HDAC9: variants seen among roughly 807,000 people sequenced by gnomAD.
The protein encoded by HDAC9 is MEF-2 interacting transcription repressor (MITR) protein.
In HDAC9, 41 loss-of-function variants were observed where a neutral mutation model predicts 139.4. The ratio of observed to expected loss-of-function variants is 0.29; its 90% CI spans 0.23 to 0.38. The LOEUF (loss-of-function observed/expected upper bound fraction) is 0.38. Among genes scored for constraint, HDAC9 ranks in the 10% least tolerant of loss-of-function variants. The probability of loss-of-function intolerance (pLI) is 1.00; values close to 1 mark genes in which losing one functional copy is unlikely to be tolerated. For missense variants in HDAC9, 1,147 were observed against 1,297.0 expected (o/e 0.88, Z 1.78); for synonymous variants, 517 against 476.2 (o/e 1.09, Z -1.12).
At chr7:18,752,706 T>G (rs1788553285) in intron 14 of HDAC9, among the ~76,000 whole-genome samples, 1 of 152,122 alleles carries the variant, frequency 6.6e-6, no homozygotes, top group African/African-American at 2.4e-5. Flanking sequence ...ATTTATTAGA[T>G]TCCACAGGAA....
chr7:18,980,421 T>A (rs1005545436), intron 25 of HDAC9, among the ~76,000 whole-genome samples: 20 of 152,198 alleles, frequency 1.3e-4, no homozygotes, highest in African/African-American at 4.8e-4. Context: ...CTCTAGAGTC[T>A]CCACACTTCA....
At chr7:18,267,409 C>T (rs557045556) in intron 2 of HDAC9, among the ~76,000 whole-genome samples, 47 of 152,086 alleles carry the variant, frequency 3.1e-4, no homozygotes, top group Middle Eastern at 3.4e-3. Context: ...CCTATCTAAC[C>T]GAAACTTTAT....
At chr7:18,921,792 G>A (rs562806792) in intron 22 of HDAC9, among the ~76,000 whole-genome samples, 313 of 151,982 alleles carry the variant, frequency 2.1e-3, no homozygotes, top group Non-Finnish European at 3.8e-3. Flanking sequence ...TGTTTATTGC[G>A]GCACTATTCA....
intron 22 of HDAC9, among the ~76,000 whole-genome samples, chr7:18,885,934 A>T (rs17140220): frequency 0.014 from 2,141 of 152,248 alleles, 57 homozygotes; most frequent in African/African-American, 0.048. Context: ...TTATATTCTC[A>T]AGCAAGTACA....
intron 21 of HDAC9, among the ~76,000 whole-genome samples, chr7:18,855,061 GTAGTATGAATTAGC>G (rs1420955722): frequency 6.6e-6 from 1 of 152,114 alleles, no homozygotes; most frequent in Non-Finnish European, 1.5e-5. Flanking sequence ...GATTTCAGAG[GTAGTATGAATTAGC>G]TAGAAGGCGT....
At chr7:18,498,541 A>G (rs1225769491) in intron 2 of HDAC9, among the ~76,000 whole-genome samples, 1 of 152,112 alleles carries the variant, frequency 6.6e-6, no homozygotes, top group African/African-American at 2.4e-5. Flanking sequence ...TAATTTAGCT[A>G]CAAATCTTGT....
chr7:18,229,337 G>A (rs1793289471), intron 2 of HDAC9, among the ~76,000 whole-genome samples: 1 of 152,206 alleles, frequency 6.6e-6, no homozygotes, highest in Non-Finnish European at 1.5e-5. Flanking sequence ...GCTGCAGACT[G>A]GCTAGGATGT....
chr7:18,362,537 T>A (rs970310840), intron 1 of HDAC9, among the ~76,000 whole-genome samples: 2 of 152,112 alleles, frequency 1.3e-5, no homozygotes, highest in Non-Finnish European at 2.9e-5. Flanking sequence ...CTAAATAGCT[T>A]GGAATTATGA....
intron 1 of HDAC9, among the ~76,000 whole-genome samples, chr7:18,116,433 T>A (rs1783987797): frequency 1.3e-5 from 2 of 152,156 alleles, no homozygotes. Context: ...TGTATTCCCT[T>A]ATACTGTGAA....
chr7:18,415,190 T>C (rs1452046046), intron 1 of HDAC9, among the ~76,000 whole-genome samples: 3 of 152,220 alleles, frequency 2.0e-5, no homozygotes, highest in Non-Finnish European at 2.9e-5. Flanking sequence ...GCGTTACTTA[T>C]AGTAGAACAC....
intron 2 of HDAC9, among the ~76,000 whole-genome samples, chr7:18,253,514 CT>C (rs956250681): frequency 6.6e-6 from 1 of 152,096 alleles, no homozygotes. Context: ...TGATACTGAG[CT>C]TTTTTTCATA....
chr7:18,948,837 T>C (rs1415965751), intron 23 of HDAC9: 1 of 181,192 alleles, frequency 5.5e-6, no homozygotes, highest in East Asian at 1.4e-4. Flanking sequence ...GACAGGTGGA[T>C]ATCAAATGAT....
intron 6 of HDAC9, among the ~76,000 whole-genome samples, chr7:18,625,860 C>G (rs1182452815): frequency 6.9e-6 from 1 of 143,900 alleles, no homozygotes; most frequent in Admixed American, 7.2e-5. Context: ...AGGAGAATCT[C>G]TGGAACCCAG....
chr7:18,775,685 T>G (rs1585016359), intron 16 of HDAC9, among the ~76,000 whole-genome samples: 3 of 63,358 alleles, frequency 4.7e-5, no homozygotes, highest in Non-Finnish European at 7.9e-5. Flanking sequence ...TTATGTTGTG[T>G]TTTTTTTTTT....
intron 1 of HDAC9, among the ~76,000 whole-genome samples, chr7:18,159,558 G>C (rs1239663111): frequency 6.6e-6 from 1 of 151,756 alleles, no homozygotes; most frequent in Non-Finnish European, 1.5e-5. Flanking sequence ...TGATTTTGTG[G>C]GTGTGAGGAG....
chr7:18,435,290 A>G (rs529439313), intron 1 of HDAC9, among the ~76,000 whole-genome samples: 1 of 152,030 alleles, frequency 6.6e-6, no homozygotes, highest in Admixed American at 6.6e-5. Flanking sequence ...GGATTGAAAA[A>G]CTACCTATCA....
At chr7:18,992,752 T>C (rs1278402260) in intron 25 of HDAC9, among the ~76,000 whole-genome samples, 1 of 152,198 alleles carries the variant, frequency 6.6e-6, no homozygotes, top group Non-Finnish European at 1.5e-5. Flanking sequence ...TTGGAGTGAA[T>C]TGATCCTTCT....
chr7:18,259,646 T>C (rs1490922171), intron 2 of HDAC9, among the ~76,000 whole-genome samples: 4 of 152,216 alleles, frequency 2.6e-5, no homozygotes, highest in African/African-American at 9.6e-5. Context: ...ATTACAGGCG[T>C]GAGCCATCAT....
intron 2 of HDAC9, among the ~76,000 whole-genome samples, chr7:18,247,605 T>A (rs1208463781): frequency 3.9e-5 from 6 of 152,098 alleles, no homozygotes; most frequent in African/African-American, 1.2e-4. Flanking sequence ...CTGAAAAAAA[T>A]GAGGGCAGTA....
Sources: gnomAD v4.1 joint callset for allele counts (sites outside exome capture counted in the v4.1 genomes callset) on GRCh38, gnomAD v4.1.1 for gene constraint, MANE v1.5 for transcripts, NCBI Gene and HGNC (gene_info 2026-07-23, HGNC 2026-07-21) for gene names.